Variants in ALK observed in about 807,000 individuals in gnomAD.
ALK encodes the protein ALK receptor tyrosine kinase, also known as ALK tyrosine kinase receptor.
A neutral mutation model predicts 163.1 loss-of-function variants in ALK; 74 were observed. The observed-to-expected ratio is 0.45, with a 90% CI of 0.38 to 0.55. ALK has a LOEUF of 0.55. Among genes scored for constraint, ALK ranks in the 20% least tolerant of loss-of-function variants. The pLI is 0.00. For synonymous variants in ALK, 960 were observed against 843.2 expected, an observed-to-expected ratio of 1.14 and a Z score of -2.40; for missense variants, 2,063 against 2,105.3, an observed-to-expected ratio of 0.98 and a Z score of 0.39.
chr2:29,693,232 T>C lies in ALK; in HGVS notation c.952+1618A>G, dbSNP rs75721009. Among the ~76,000 whole-genome samples, 1,366 of 152,296 alleles carry C rather than the reference T, an allele frequency of 9.0e-3. 14 individuals carry two copies. Among genetic ancestry groups the C allele is most frequent in the Middle Eastern group, 0.027 (8 of 294 alleles). The stretch of plus-strand genomic sequence containing the variant: ...TTTGCTGTAATCTCTAATCTATGCA[T>C]GTATATTATATCCACTTTTTGCTAA... On this transcript the variant is annotated intron_variant, in intron 3 of 28. Coordinates refer to ENST00000389048, the MANE Select transcript of ALK (RefSeq NM_004304.5).
chr2:29,749,123 C>T (rs879729016), intron 1 of ALK, among the ~76,000 whole-genome samples: 12 of 152,182 alleles, frequency 7.9e-5, no homozygotes, highest in South Asian at 4.1e-4. Context: ...CAGTGACTGT[C>T]AAACTCCAAG....
rs181566338 is a variant in ALK, at chr2:29,450,983, C to T, written c.1155-67124G>A. Among the ~76,000 whole-genome samples the T allele has an allele frequency of 5.9e-5, 9 of 152,214 alleles. No individual in the cohort carries two copies. In the East Asian group the frequency reaches 1.5e-3, roughly 26 times the overall value. Reference sequence around the variant, plus strand: ...CTGCTCGAGGTGACTTTTATGAGCCCTAAAGTTTACAAAACCCTGATTTGT... The same window carrying T: ...CTGCTCGAGGTGACTTTTATGAGCCTTAAAGTTTACAAAACCCTGATTTGT... On this transcript the variant is annotated intron_variant, in intron 4 of 28. Coordinates refer to ENST00000389048, the MANE Select transcript of ALK (RefSeq NM_004304.5).
chr2:29,340,005 C>T (rs146341870), intron 5 of ALK, among the ~76,000 whole-genome samples: 1 of 152,174 alleles, frequency 6.6e-6, no homozygotes, highest in Non-Finnish European at 1.5e-5. Flanking sequence ...CTCCATAGCC[C>T]CTTTATTTTG....
At chr2:29,678,189 C>G (rs1322170663) in intron 3 of ALK, among the ~76,000 whole-genome samples, 3 of 151,944 alleles carry the variant, frequency 2.0e-5, no homozygotes, top group East Asian at 3.9e-4. Flanking sequence ...TGTCTTCTCT[C>G]TCTTTTACTT....
intron 4 of ALK, among the ~76,000 whole-genome samples, chr2:29,393,484 G>A (rs1416469885): frequency 6.6e-6 from 1 of 152,172 alleles, no homozygotes; most frequent in Non-Finnish European, 1.5e-5. Context: ...ATGTTAGACA[G>A]GGAGGCCAAG....
At chr2:29,858,055 G>A (rs1427120063) in intron 1 of ALK, among the ~76,000 whole-genome samples, 2 of 59,060 alleles carry the variant, frequency 3.4e-5, no homozygotes, top group Non-Finnish European at 8.4e-5. Flanking sequence ...GTATGTGTGT[G>A]TGCATGTGTG....
At chr2:29,779,364 T>G (rs1681272266) in intron 1 of ALK, among the ~76,000 whole-genome samples, 1 of 152,072 alleles carries the variant, frequency 6.6e-6, no homozygotes, top group African/African-American at 2.4e-5. Context: ...CAGGCTGGCT[T>G]CTCCAAGGAC....
chr2:29,472,596 G>T (rs1671374350), intron 4 of ALK, among the ~76,000 whole-genome samples: 1 of 151,720 alleles, frequency 6.6e-6, no homozygotes, highest in Non-Finnish European at 1.5e-5. Context: ...ATACAATAAG[G>T]CAAGAAAAAG....
chr2:29,378,016 T>G (rs1448589167), intron 5 of ALK, among the ~76,000 whole-genome samples: 5 of 152,218 alleles, frequency 3.3e-5, no homozygotes, highest in Non-Finnish European at 7.3e-5. Flanking sequence ...ACCTCAGATG[T>G]GTTTTTGTAG....
chr2:29,374,805 A>G (rs866308264), intron 5 of ALK, among the ~76,000 whole-genome samples: 8 of 152,124 alleles, frequency 5.3e-5, no homozygotes, highest in South Asian at 2.1e-4. Flanking sequence ...AGGGCAGGAG[A>G]TTTTGGAAAT....
intron 6 of ALK, among the ~76,000 whole-genome samples, chr2:29,321,333 T>C (rs1257244301): frequency 2.6e-5 from 4 of 152,362 alleles, no homozygotes; most frequent in South Asian, 4.1e-4. Context: ...ACATTTCTAA[T>C]GGTTGATACA....
At chr2:29,518,237 G>A (rs1392083004) in intron 4 of ALK, among the ~76,000 whole-genome samples, 7 of 152,184 alleles carry the variant, frequency 4.6e-5, no homozygotes, top group Non-Finnish European at 1.0e-4. Flanking sequence ...TCATTTTGCA[G>A]TGGGCCTGAT....
intron 3 of ALK, among the ~76,000 whole-genome samples, chr2:29,646,941 T>C (rs781209408): frequency 3.3e-5 from 5 of 152,194 alleles, no homozygotes; most frequent in African/African-American, 4.8e-5. Flanking sequence ...TTGATGTTGA[T>C]TGGGTTCACT....
chr2:29,285,424 T>C (rs1199625617), intron 9 of ALK, among the ~76,000 whole-genome samples: 1 of 152,122 alleles, frequency 6.6e-6, no homozygotes, highest in East Asian at 1.9e-4. Flanking sequence ...TAATTTTTTA[T>C]ATTTTTAGTA....
At chr2:29,605,004 C>T (rs750908682) in intron 3 of ALK, among the ~76,000 whole-genome samples, 9 of 152,126 alleles carry the variant, frequency 5.9e-5, no homozygotes, top group South Asian at 2.1e-4. Flanking sequence ...TGGGGGCCAG[C>T]GCAATAGTAG....
At position 29,921,405 on chromosome 2, in the gene ALK, G is replaced by A. The variant is rs1668000480; in HGVS notation, c.-746C>T. ...CGGCGGCAGCAGCTGAGGGCGTTCA[G>A]GGCAGGGGCGCCCGAAATCTTGCCG... is the stretch of plus-strand genomic sequence containing the variant. On this transcript the variant is annotated 5_prime_UTR_variant, in exon 1 of 29. Transcript: ENST00000389048. The A allele has an allele frequency of 4.3e-6, 1 of 232,516 alleles. No individual in the cohort carries two copies. The highest frequency in any genetic ancestry group is 1.8e-4 in the South Asian group (1 of 5,532). The allele number at this position is 232,516 out of a possible 1,614,324, so 14.4% of individuals were successfully genotyped here.
At chr2:29,209,046 C>T (rs1215166883) in intron 25 of ALK, among the ~76,000 whole-genome samples, 1 of 152,192 alleles carries the variant, frequency 6.6e-6, no homozygotes, top group Admixed American at 6.5e-5. Context: ...AGCAATGAGC[C>T]AGGCCCTGCA....
intron 1 of ALK, among the ~76,000 whole-genome samples, chr2:29,910,110 T>C (rs1322622962): frequency 1.3e-5 from 2 of 152,016 alleles, no homozygotes; most frequent in African/African-American, 4.8e-5. Flanking sequence ...GGAAAGGAAC[T>C]TTAAAATAGC....
At chr2:29,509,575 T>A (rs1672453288) in intron 4 of ALK, among the ~76,000 whole-genome samples, 1 of 152,314 alleles carries the variant, frequency 6.6e-6, no homozygotes, top group Non-Finnish European at 1.5e-5. Flanking sequence ...TATACTTTTA[T>A]TCATGAATGA....
Sources: allele counts gnomAD v4.1 joint callset (sites outside exome capture counted in the v4.1 genomes callset), GRCh38; gene constraint gnomAD v4.1.1; transcripts MANE v1.5; gene names NCBI Gene and HGNC (gene_info 2026-07-23, HGNC 2026-07-21).